Variants in NCKAP5 observed in about 807,000 individuals in gnomAD.
NCKAP5 encodes NCK associated protein 5.
A neutral mutation model predicts 167.0 loss-of-function variants in NCKAP5; 92 were observed. The observed-to-expected ratio is 0.55, with a 90% CI of 0.47 to 0.66. The LOEUF (loss-of-function observed/expected upper bound fraction) is 0.66, where lower values mean the gene tolerates loss of function less well. NCKAP5 is among the 30% of genes least tolerant of loss of function. NCKAP5 has a pLI of 0.00. For synonymous variants in NCKAP5, 891 were observed against 877.4 expected (o/e 1.02, Z -0.27); for missense variants, 2,378 against 2,315.0 (o/e 1.03, Z -0.56).
chr2:132,883,242 C>CA (rs1455374136), intron 8 of NCKAP5, among the ~76,000 whole-genome samples: 1 of 134,032 alleles, frequency 7.5e-6, no homozygotes, highest in African/African-American at 2.9e-5. Flanking sequence ...ACACACGACA[C>CA]CCACCATGTC....
At chr2:133,439,841 A>T (rs888510119) in intron 3 of NCKAP5, among the ~76,000 whole-genome samples, 6 of 152,190 alleles carry the variant, frequency 3.9e-5, no homozygotes, top group Admixed American at 3.9e-4. Flanking sequence ...ACCATGTTTT[A>T]TGGACTAATA....
chr2:132,753,632 T>C (rs1680295113), intron 16 of NCKAP5, among the ~76,000 whole-genome samples: 1 of 152,224 alleles, frequency 6.6e-6, no homozygotes, highest in South Asian at 2.1e-4. Flanking sequence ...GTAGAAATGA[T>C]GGACATCCTG....
At chr2:133,527,006 T>C (rs1326124039) in intron 2 of NCKAP5, 1 of 151,958 alleles carries the variant, frequency 6.6e-6, no homozygotes, top group Non-Finnish European at 1.5e-5. Context: ...AACATCCAAA[T>C]ATGTGGGATG....
intron 4 of NCKAP5, among the ~76,000 whole-genome samples, chr2:133,293,674 C>T (rs529579775): frequency 8.5e-4 from 129 of 152,252 alleles, no homozygotes; most frequent in African/African-American, 3.0e-3. Context: ...TCCCTACGAC[C>T]GTTCAGGAAT....
intron 2 of NCKAP5, among the ~76,000 whole-genome samples, chr2:133,548,489 T>C (rs948202947): frequency 9.2e-5 from 14 of 151,452 alleles, no homozygotes; most frequent in African/African-American, 2.2e-4. Flanking sequence ...AAAGGTCGGG[T>C]TACCCTCAAA....
chr2:132,930,721 C>G (rs912121320), intron 8 of NCKAP5: 1 of 152,136 alleles, frequency 6.6e-6, no homozygotes, highest in Non-Finnish European at 1.5e-5. Flanking sequence ...TCCTCTCCTG[C>G]CTCTCTATAT....
chr2:133,024,014 G>GTA (rs553194584), intron 6 of NCKAP5, among the ~76,000 whole-genome samples: 22 of 152,108 alleles, frequency 1.4e-4, no homozygotes, highest in Non-Finnish European at 3.1e-4. Context: ...AGATATGTAT[G>GTA]TATGTCTTAA....
At chr2:133,564,723 T>A (rs576123346) in intron 1 of NCKAP5, among the ~76,000 whole-genome samples, 23 of 151,968 alleles carry the variant, frequency 1.5e-4, no homozygotes, top group South Asian at 8.4e-4. Context: ...CTCTCTTAAG[T>A]AGGGAGGGAG....
intron 11 of NCKAP5, among the ~76,000 whole-genome samples, chr2:132,848,313 C>T (rs907857693): frequency 6.6e-6 from 1 of 152,216 alleles, no homozygotes; most frequent in African/African-American, 2.4e-5. Context: ...TCTGAGGCAT[C>T]AGCTTGCAGA....
intron 8 of NCKAP5, among the ~76,000 whole-genome samples, chr2:132,912,504 T>C (rs944288758): frequency 2.0e-5 from 3 of 152,220 alleles, no homozygotes; most frequent in African/African-American, 7.2e-5. Flanking sequence ...TCTGATATCT[T>C]ATTTCCTAAA....
At chr2:132,747,372 T>C (rs545158133) in intron 16 of NCKAP5, among the ~76,000 whole-genome samples, 35 of 152,240 alleles carry the variant, frequency 2.3e-4, no homozygotes, top group African/African-American at 8.2e-4. Context: ...TAATCCCAGA[T>C]CTATGCAGGT....
At chr2:133,231,777 C>A (rs2087160446) in intron 4 of NCKAP5, among the ~76,000 whole-genome samples, 1 of 152,140 alleles carries the variant, frequency 6.6e-6, no homozygotes, top group South Asian at 2.1e-4. Context: ...TTACCACTCT[C>A]ATGATCTCTA....
At chr2:133,453,083 C>T (rs952102113) in intron 3 of NCKAP5, among the ~76,000 whole-genome samples, 9 of 152,072 alleles carry the variant, frequency 5.9e-5, no homozygotes, top group African/African-American at 1.2e-4. Context: ...TAAAAATCTT[C>T]AATTTTACAG....
intron 6 of NCKAP5, among the ~76,000 whole-genome samples, chr2:133,047,678 T>C (rs987987706): frequency 6.6e-6 from 1 of 152,220 alleles, no homozygotes; most frequent in Non-Finnish European, 1.5e-5. Context: ...TTTAATTGTT[T>C]AAAATTTGTA....
chr2:133,203,765 G>A (rs1231288483), intron 5 of NCKAP5, among the ~76,000 whole-genome samples: 2 of 152,086 alleles, frequency 1.3e-5, no homozygotes, highest in African/African-American at 4.8e-5. Flanking sequence ...TACGATCTTT[G>A]GGAATGGTAT....
At chr2:132,864,152 T>C (rs1437929495) in intron 10 of NCKAP5, among the ~76,000 whole-genome samples, 3 of 152,308 alleles carry the variant, frequency 2.0e-5, no homozygotes, top group African/African-American at 4.8e-5. Context: ...TCTGGGATCA[T>C]GGCTCAAGGG....
intron 4 of NCKAP5, among the ~76,000 whole-genome samples, chr2:133,294,093 C>T (rs1240531678): frequency 6.6e-6 from 1 of 152,164 alleles, no homozygotes; most frequent in Non-Finnish European, 1.5e-5. Flanking sequence ...GAGCACTGAG[C>T]TCTCTCTTTG....
At chr2:132,956,764 G>A (rs1414054618) in intron 8 of NCKAP5, among the ~76,000 whole-genome samples, 1 of 152,120 alleles carries the variant, frequency 6.6e-6, no homozygotes, top group African/African-American at 2.4e-5. Context: ...ACCATGCCTT[G>A]CCAGAGCCGA....
intron 3 of NCKAP5, among the ~76,000 whole-genome samples, chr2:133,369,415 G>A (rs185282467): frequency 3.3e-4 from 51 of 152,308 alleles, no homozygotes; most frequent in African/African-American, 1.1e-3. Flanking sequence ...AGAGATAGAT[G>A]ATTTAAGATG....
Sources: allele counts gnomAD v4.1 joint callset (sites outside exome capture counted in the v4.1 genomes callset), GRCh38; gene constraint gnomAD v4.1.1; transcripts MANE v1.5; gene names NCBI Gene and HGNC (gene_info 2026-07-23, HGNC 2026-07-21).